Variants in PCSK2 observed in about 807,000 individuals in gnomAD.
PCSK2 encodes the protein proprotein convertase subtilisin/kexin type 2.
PCSK2 carries 14 observed loss-of-function variants against 69.7 expected under a neutral mutation model. That is an observed-to-expected ratio of 0.20 (90% CI 0.13 to 0.31). The LOEUF (loss-of-function observed/expected upper bound fraction) is 0.31, where lower values mean the gene tolerates loss of function less well. Ranked by LOEUF, PCSK2 falls within the 10% of genes least tolerant of loss-of-function variation. The probability of loss-of-function intolerance (pLI) is 1.00; values close to 1 mark genes in which losing one functional copy is unlikely to be tolerated. For missense variants in PCSK2, 544 were observed against 842.5 expected, an observed-to-expected ratio of 0.65 and a Z score of 4.39; for synonymous variants, 307 against 320.7, an observed-to-expected ratio of 0.96 and a Z score of 0.46.
chr20:17,323,824 G>T (rs1287371887), intron 2 of PCSK2, among the ~76,000 whole-genome samples: 6 of 152,298 alleles, frequency 3.9e-5, no homozygotes, highest in African/African-American at 4.8e-5. Flanking sequence ...TGACACTCTT[G>T]TGTCCCACCC....
At chr20:17,233,353 CAAT>C (rs1029257747) in intron 1 of PCSK2, among the ~76,000 whole-genome samples, 1 of 152,114 alleles carries the variant, frequency 6.6e-6, no homozygotes, top group African/African-American at 2.4e-5. Context: ...GCAGTAGTAA[CAAT>C]AAGCTGGTTG....
intron 1 of PCSK2, among the ~76,000 whole-genome samples, chr20:17,245,007 T>C (rs1314626387): frequency 6.6e-6 from 1 of 152,158 alleles, no homozygotes; most frequent in East Asian, 1.9e-4. Flanking sequence ...TGTGGGCAGA[T>C]TCTTCCCAGG....
intron 6 of PCSK2, among the ~76,000 whole-genome samples, chr20:17,414,877 C>T (rs1032264216): frequency 6.6e-6 from 1 of 152,174 alleles, no homozygotes; most frequent in African/African-American, 2.4e-5. Context: ...AAGGCTGGTT[C>T]AACATATGCA....
intron 2 of PCSK2, among the ~76,000 whole-genome samples, chr20:17,327,335 C>G (rs1205379325): frequency 6.6e-6 from 1 of 152,084 alleles, no homozygotes; most frequent in African/African-American, 2.4e-5. Flanking sequence ...CCCGGTGGGT[C>G]GGGGCTATGT....
rs2032921437 is a variant in PCSK2 at position 17,456,296 on chromosome 20, G to A, written c.1102-52G>A. ...AATCCCCTGCTCCACATTGTGCGGG[G>A]GTTCAAAATAGCGTGATTTATCCAC... On this transcript the variant is annotated intron_variant, in intron 9 of 11. Coordinates refer to ENST00000262545, the MANE Select transcript of PCSK2 (RefSeq NM_002594.5). The A allele has an allele frequency of 6.5e-6, 6 of 927,000 alleles. No homozygotes were observed. The South Asian group carries it at 8.0e-5, about 12-fold the overall frequency. 57.4% of individuals were successfully genotyped at this position (927,000 alleles called of 1,614,324 possible).
intron 5 of PCSK2, among the ~76,000 whole-genome samples, chr20:17,380,530 T>A (rs1369580837): frequency 6.6e-6 from 1 of 152,214 alleles, no homozygotes; most frequent in Non-Finnish European, 1.5e-5. Context: ...GTGTCTCAAT[T>A]TCCTCATCTG....
intron 6 of PCSK2, among the ~76,000 whole-genome samples, chr20:17,420,890 C>T (rs994987773): frequency 5.9e-5 from 9 of 152,156 alleles, no homozygotes; most frequent in African/African-American, 2.2e-4. Context: ...TGGTACAGAG[C>T]ATGGCACATG....
At chr20:17,439,232 C>T (rs1431945933) in intron 8 of PCSK2, among the ~76,000 whole-genome samples, 1 of 152,016 alleles carries the variant, frequency 6.6e-6, no homozygotes, top group Non-Finnish European at 1.5e-5. Context: ...ACCTCCTGGG[C>T]TCAAGTGATT....
intron 11 of PCSK2, among the ~76,000 whole-genome samples, chr20:17,468,910 A>G (rs1465455353): frequency 2.0e-5 from 3 of 152,280 alleles, no homozygotes; most frequent in African/African-American, 7.2e-5. Flanking sequence ...AAGTGGCACC[A>G]AGTGGATTAC....
intron 2 of PCSK2, among the ~76,000 whole-genome samples, chr20:17,283,806 A>G (rs143429843): frequency 1.5e-4 from 23 of 152,254 alleles, no homozygotes; most frequent in Middle Eastern, 3.4e-3. Context: ...TACCCTACCT[A>G]CCTAAATCCA....
At chr20:17,477,302 T>C (rs1371712387) in intron 11 of PCSK2, among the ~76,000 whole-genome samples, 3 of 151,882 alleles carry the variant, frequency 2.0e-5, no homozygotes, top group Non-Finnish European at 2.9e-5. Context: ...GTGCCAAGCA[T>C]TGTGCCTGGT....
In PCSK2 at chr20:17,482,231, T is replaced by A; in HGVS notation, c.*161T>A. ...CTGTCAATGATTATTTTCATTACAATGGAAACAATCTTTTTTACTCTATGC... is the reference window on the plus strand; with the variant it reads ...CTGTCAATGATTATTTTCATTACAAAGGAAACAATCTTTTTTACTCTATGC... On this transcript the variant is annotated 3_prime_UTR_variant, in exon 12 of 12. Transcript: ENST00000262545. 1 of 633,662 alleles carries A rather than the reference T, an allele frequency of 1.6e-6. No homozygotes were observed. The highest frequency in any genetic ancestry group is 2.5e-5 in the South Asian group (1 of 39,588). 39.3% of individuals were successfully genotyped at this position (633,662 alleles called of 1,614,324 possible). A position where few individuals can be genotyped will look rare whatever the true frequency, so the allele number is the denominator to read the frequency against.
intron 2 of PCSK2, among the ~76,000 whole-genome samples, chr20:17,352,904 C>G (rs982925551): frequency 2.6e-5 from 4 of 152,042 alleles, no homozygotes; most frequent in African/African-American, 9.7e-5. Flanking sequence ...AGTAAACAGG[C>G]AACCTAGAGA....
At chr20:17,389,799 A>G (rs181837288) in intron 5 of PCSK2, among the ~76,000 whole-genome samples, 1 of 152,092 alleles carries the variant, frequency 6.6e-6, no homozygotes, top group Non-Finnish European at 1.5e-5. Context: ...CCTACCTACA[A>G]CCTCTTACAC....
chr20:17,247,676 C>T (rs1266946918), intron 1 of PCSK2, among the ~76,000 whole-genome samples: 3 of 152,158 alleles, frequency 2.0e-5, no homozygotes, highest in African/African-American at 7.2e-5. Flanking sequence ...TGAGAACAAG[C>T]GAATGCACAG....
chr20:17,317,373 T>C (rs971398055), intron 2 of PCSK2, among the ~76,000 whole-genome samples: 4 of 152,226 alleles, frequency 2.6e-5, no homozygotes, highest in Admixed American at 6.5e-5. Context: ...CTATATTCAT[T>C]TGAATTATCC....
intron 2 of PCSK2, among the ~76,000 whole-genome samples, chr20:17,277,382 T>C (rs1380686112): frequency 1.3e-5 from 2 of 152,052 alleles, no homozygotes; most frequent in South Asian, 2.1e-4. Flanking sequence ...TATAGACCAA[T>C]GGAACAGAAC....
chr20:17,324,631 C>G (rs1356779721), intron 2 of PCSK2, among the ~76,000 whole-genome samples: 9 of 152,116 alleles, frequency 5.9e-5, no homozygotes, highest in Non-Finnish European at 1.3e-4. Context: ...TTCCACAACC[C>G]AGATACTCCC....
intron 5 of PCSK2, among the ~76,000 whole-genome samples, chr20:17,401,414 G>T (rs1315591383): frequency 5.9e-5 from 9 of 151,990 alleles, no homozygotes; most frequent in Non-Finnish European, 1.2e-4. Context: ...GCTCCCTCAG[G>T]CCTCTTTTAT....
Sources: allele counts gnomAD v4.1 joint callset (sites outside exome capture counted in the v4.1 genomes callset), GRCh38; gene constraint gnomAD v4.1.1; transcripts MANE v1.5; gene names NCBI Gene and HGNC (gene_info 2026-07-23, HGNC 2026-07-21).